PADI4: variants seen among roughly 807,000 people sequenced by gnomAD.
The protein encoded by PADI4 is peptidyl arginine deiminase 4.
A neutral mutation model predicts 75.0 loss-of-function variants in PADI4; 62 were observed. The ratio of observed to expected loss-of-function variants is 0.83; its 90% CI spans 0.67 to 1.02. The LOEUF (loss-of-function observed/expected upper bound fraction) is 1.02, where lower values mean the gene tolerates loss of function less well. Ranked by LOEUF, PADI4 falls within the 50% of genes least tolerant of loss-of-function variation. The pLI is 0.00. For synonymous variants in PADI4, 361 were observed against 348.1 expected (o/e 1.04, Z -0.41); for missense variants, 845 against 850.5 (o/e 0.99, Z 0.08).
intron 10 of PADI4, chr1:17,348,723 T>C (rs2074564595): frequency 6.6e-6 from 1 of 152,228 alleles, no homozygotes; most frequent in African/African-American, 2.4e-5. Context: ...GCCCATTTTA[T>C]AGAAGAAGAA....
chr1:17,356,014 C>T lies in PADI4; in HGVS notation c.1342C>T (p.Gln448Ter), dbSNP rs1349887716. 2.5e-6 allele frequency: 4 copies of T among 1,614,048 alleles called. No individual in the cohort carries two copies. The African/African-American group carries it at 4.0e-5, about 16-fold the overall frequency. ...NDSRQMHQAL[Q>*]DFLSAQQVQA... ...CAGCCGGCAGATGCACCAGGCCCTG[C>T]AGGACTTCCTCAGTGCCCAGCAGGT... The change falls in exon 12 of 16, where the codon CAG (glutamine) becomes TAG (stop). Residue 448 changes from glutamine (Q) to a stop codon, truncating the protein, a stop_gained. Transcript: ENST00000375448. LOFTEE classifies it high-confidence loss of function. The surrounding 1 kb of genome is among the most constrained non-coding windows in gnomAD (Gnocchi z 4.1).
At chr1:17,352,007 G>GAGA (rs2074648978) in intron 10 of PADI4, among the ~76,000 whole-genome samples, 1 of 22,226 alleles carries the variant, frequency 4.5e-5, no homozygotes, top group Non-Finnish European at 7.7e-5. Context: ...GGGAGGTGAT[G>GAGA]GGAGGAGAGG....
chr1:17,311,096 CA>C (rs34285885), intron 1 of PADI4, among the ~76,000 whole-genome samples: 4,149 of 103,522 alleles, frequency 0.04, 135 homozygotes, highest in African/African-American at 0.12. Flanking sequence ...GTCTCCGTCT[CA>C]AAAAAAAAAA....
chr1:17,351,977 GAT>G (rs2074642761), intron 10 of PADI4, among the ~76,000 whole-genome samples: 1 of 51,874 alleles, frequency 1.9e-5, no homozygotes. Context: ...CCAGGGAGGT[GAT>G]GGGAGGAGAG....
rs982808567 is a variant in PADI4 at position 17,333,985 on chromosome 1, G to T, written c.316G>T (p.Ala106Ser). Residue 106 changes from alanine (A) to serine (S), a missense_variant, in exon 3 of 16, where the codon GCT (alanine) becomes TCT (serine). Coordinates refer to ENST00000375448, the MANE Select transcript of PADI4 (RefSeq NM_012387.3). ...CGGACCCAAGACTCCACCAGTCAAA[G>T]CTCTACTCTACCTCACCGGGGTGGG... is the stretch of plus-strand genomic sequence containing the variant. ...YYGPKTPPVK[A>S]LLYLTGVEIS... is the part of the protein sequence containing the mutation. 1 of 1,612,904 alleles carries T rather than the reference G, an allele frequency of 6.2e-7. No homozygotes were observed.
At chr1:17,322,793 C>T (rs1223012331) in intron 1 of PADI4, among the ~76,000 whole-genome samples, 1 of 151,498 alleles carries the variant, frequency 6.6e-6, no homozygotes, top group African/African-American at 2.4e-5. Context: ...GTCTTCTTCC[C>T]TCCCTTCCTT....
intron 1 of PADI4, among the ~76,000 whole-genome samples, chr1:17,328,288 C>A (rs571294831): frequency 6.6e-6 from 1 of 152,058 alleles, no homozygotes; most frequent in Non-Finnish European, 1.5e-5. Context: ...CCTCCCAAAG[C>A]GCTGGGATTA....
chr1:17,325,950 C>T (rs769841625), intron 1 of PADI4, among the ~76,000 whole-genome samples: 9 of 152,116 alleles, frequency 5.9e-5, no homozygotes, highest in African/African-American at 9.7e-5. Flanking sequence ...GGGATCTGCC[C>T]ACCTCAGCTT....
intron 10 of PADI4, among the ~76,000 whole-genome samples, chr1:17,353,363 C>T (rs540167200): frequency 5.3e-4 from 81 of 152,114 alleles, no homozygotes; most frequent in Non-Finnish European, 9.3e-4. Context: ...GCTACTCGGG[C>T]GGCTGAGACG....
At chr1:17,347,702 C>G (rs1415884122) in intron 9 of PADI4, among the ~76,000 whole-genome samples, 1 of 152,192 alleles carries the variant, frequency 6.6e-6, no homozygotes. Flanking sequence ...CTGGCCCAGG[C>G]ACCACCAGGA....
At chr1:17,344,728 G>C (rs1015677369) in intron 8 of PADI4, among the ~76,000 whole-genome samples, 3 of 152,374 alleles carry the variant, frequency 2.0e-5, no homozygotes, top group African/African-American at 7.2e-5. Context: ...CAAGTGCACA[G>C]AAGTCAAGAA....
intron 10 of PADI4, among the ~76,000 whole-genome samples, chr1:17,349,468 G>GC (rs2074581039): frequency 6.6e-6 from 1 of 152,184 alleles, no homozygotes; most frequent in Non-Finnish European, 1.5e-5. Context: ...AGTTTGGGAG[G>GC]CCAAGGAGGA....
At chr1:17,334,081 TG>T in intron 3 of PADI4, 72 bp downstream of exon 3, 2 of 973,502 alleles carry the variant, frequency 2.1e-6, no homozygotes, top group South Asian at 2.6e-5. Context: ...AGGATGTCTC[TG>T]TAGGAGAAAC....
At chr1:17,340,875 A>T (rs189711940) in intron 6 of PADI4, among the ~76,000 whole-genome samples, 15 of 143,286 alleles carry the variant, frequency 1.0e-4, no homozygotes, top group African/African-American at 3.9e-4. Context: ...ATCTTGGCTC[A>T]CTGCAGCCTC....
chr1:17,311,356 T>C (rs907231277), intron 1 of PADI4, among the ~76,000 whole-genome samples: 1 of 151,182 alleles, frequency 6.6e-6, no homozygotes, highest in Non-Finnish European at 1.5e-5. Flanking sequence ...TGCTGGGGAG[T>C]GGACTCCCCT....
chr1:17,335,118 G>A (rs2074287356), intron 3 of PADI4, among the ~76,000 whole-genome samples: 1 of 151,882 alleles, frequency 6.6e-6, no homozygotes, highest in Admixed American at 6.6e-5. Flanking sequence ...CTGGGTGACA[G>A]AGTGAGACCC....
chr1:17,321,739 T>G (rs1201343712), intron 1 of PADI4, among the ~76,000 whole-genome samples: 1 of 152,216 alleles, frequency 6.6e-6, no homozygotes, highest in African/African-American at 2.4e-5. Context: ...GATTGTCTTG[T>G]AAATCAATGA....
rs535331607 is a variant in PADI4 at position 17,321,127 on chromosome 1, A to C, written c.93-9842A>C. 1.1e-4 allele frequency among the ~76,000 whole-genome samples: 17 copies of C among 152,232 alleles called. 1 individual carries two copies. In the South Asian group the frequency reaches 3.5e-3, roughly 32 times the overall value. On this transcript the variant is annotated intron_variant, in intron 1 of 15. Coordinates refer to ENST00000375448, the MANE Select transcript of PADI4 (RefSeq NM_012387.3). The stretch of plus-strand genomic sequence containing the variant: ...GAAATCCCTTTTGGTTGGAGTGATA[A>C]AGGGAGGATTCGATGGCAGAGAACC...
At chr1:17,313,397 A>G (rs1486788704) in intron 1 of PADI4, among the ~76,000 whole-genome samples, 4 of 142,244 alleles carry the variant, frequency 2.8e-5, no homozygotes. Context: ...GCTACTCGGG[A>G]GGCTGAGGCA....
Sources: allele counts gnomAD v4.1 joint callset (sites outside exome capture counted in the v4.1 genomes callset), GRCh38; gene constraint gnomAD v4.1.1; non-coding constraint Gnocchi (gnomAD v3.1); transcripts MANE v1.5; gene names NCBI Gene and HGNC (gene_info 2026-07-23, HGNC 2026-07-21).